Variants in ARHGAP42 observed in about 807,000 individuals in gnomAD.
ARHGAP42 encodes rho GTPase-activating protein 42.
In ARHGAP42, 63 loss-of-function variants were observed where a neutral mutation model predicts 125.0. The ratio of observed to expected loss-of-function variants is 0.50; its 90% CI spans 0.41 to 0.62. ARHGAP42 has a LOEUF of 0.62. ARHGAP42 is among the 20% of genes least tolerant of loss of function. ARHGAP42 has a pLI of 0.00. For missense variants in ARHGAP42, 766 were observed against 1,024.2 expected, an observed-to-expected ratio of 0.75 and a Z score of 3.44; for synonymous variants, 339 against 351.0, an observed-to-expected ratio of 0.97 and a Z score of 0.38.
chr11:100,793,483 ACT>A (rs1591185549), intron 2 of ARHGAP42, among the ~76,000 whole-genome samples: 1 of 152,210 alleles, frequency 6.6e-6, no homozygotes, highest in Non-Finnish European at 1.5e-5. Flanking sequence ...TGTTTTGGTA[ACT>A]CTGAATAAAA....
chr11:100,903,117 G>GCACACACACACACACACACACA lies in ARHGAP42; in HGVS notation c.385-10317_385-10296dup, dbSNP rs1555021069. 2.3e-3 allele frequency among the ~76,000 whole-genome samples: 300 copies of GCACACACACACACACACACACA among 132,018 alleles called. 4 individuals are homozygous for GCACACACACACACACACACACA. Among genetic ancestry groups the GCACACACACACACACACACACA allele is most frequent in the Non-Finnish European group, 3.4e-3 (213 of 62,766 alleles). The allele number at this position is 132,018 out of a possible 152,430, so 86.6% of individuals were successfully genotyped here. On this transcript the variant is annotated intron_variant, in intron 4 of 23. Transcript: ENST00000298815. ...TCCTCAATCTTGCTGTCCAAGATGC[G>GCACACACACACACACACACACA]CACACACACACACACACACACACAC...
intron 6 of ARHGAP42, among the ~76,000 whole-genome samples, chr11:100,927,079 T>A (rs1327892529): frequency 6.6e-6 from 1 of 152,218 alleles, no homozygotes; most frequent in African/African-American, 2.4e-5. Context: ...TTTAAATTTT[T>A]TCGCTGAAGA....
Position 100,990,659 on chromosome 11 carries a change from C to A in ARHGAP42, c.*1858C>A, listed in dbSNP as rs1221672627. 6.6e-6 allele frequency: 1 copy of A among 152,526 alleles called. No homozygotes were observed. Among genetic ancestry groups the A allele is most frequent in the African/African-American group, 2.4e-5 (1 of 41,414 alleles). The allele number at this position is 152,526 out of a possible 1,614,324, so 9.4% of individuals were successfully genotyped here. ...TCTTCTTGGTCGAGGTCCTTGGTGA[C>A]CTTAGTAGTAATAACAGCATTGCTG... On this transcript the variant is annotated 3_prime_UTR_variant, in exon 24 of 24. Coordinates refer to ENST00000298815, the MANE Select transcript of ARHGAP42 (RefSeq NM_152432.4).
chr11:100,929,218 C>A (rs910773891), intron 6 of ARHGAP42, among the ~76,000 whole-genome samples: 2 of 152,060 alleles, frequency 1.3e-5, no homozygotes, highest in African/African-American at 4.8e-5. Context: ...AACCTAGATC[C>A]CTCGCAGGCA....
intron 8 of ARHGAP42, among the ~76,000 whole-genome samples, chr11:100,938,871 G>C (rs1357291142): frequency 1.3e-5 from 2 of 152,068 alleles, no homozygotes; most frequent in East Asian, 3.9e-4. Context: ...GCTATCACTG[G>C]GTGGATAAGT....
chr11:100,782,786 G>C (rs1223127815), intron 2 of ARHGAP42, among the ~76,000 whole-genome samples: 1 of 152,084 alleles, frequency 6.6e-6, no homozygotes, highest in Non-Finnish European at 1.5e-5. Flanking sequence ...TTGATTTTTG[G>C]GACTCGGAAA....
At chr11:100,965,851 T>C in intron 17 of ARHGAP42, 75 bp downstream of exon 17, 1 of 1,279,180 alleles carries the variant, frequency 7.8e-7, no homozygotes, top group African/African-American at 1.5e-5. Context: ...TTAAAGTGTG[T>C]GATGATGTTA....
chr11:100,827,817 T>G (rs1864560223), intron 3 of ARHGAP42, among the ~76,000 whole-genome samples: 1 of 152,222 alleles, frequency 6.6e-6, no homozygotes, highest in Non-Finnish European at 1.5e-5. Flanking sequence ...GCAAGAACTT[T>G]CCTTCACTAT....
chr11:100,819,043 A>G (rs1490837285), intron 3 of ARHGAP42, among the ~76,000 whole-genome samples: 1 of 152,184 alleles, frequency 6.6e-6, no homozygotes, highest in Admixed American at 6.6e-5. Flanking sequence ...TTCAGCAAGC[A>G]TCAGAACTTT....
At chr11:100,805,862 C>T (rs73575594) in intron 3 of ARHGAP42, among the ~76,000 whole-genome samples, 2 of 152,002 alleles carry the variant, frequency 1.3e-5, no homozygotes, top group African/African-American at 4.8e-5. Flanking sequence ...ACCAGAGGTC[C>T]CTTTTGATGC....
At chr11:100,986,646 T>C (rs1158783174) in intron 22 of ARHGAP42, among the ~76,000 whole-genome samples, 4 of 152,164 alleles carry the variant, frequency 2.6e-5, no homozygotes, top group African/African-American at 9.6e-5. Flanking sequence ...AATGCTATTG[T>C]CTTGGACTCT....
intron 3 of ARHGAP42, among the ~76,000 whole-genome samples, chr11:100,831,842 A>T (rs1032946989): frequency 2.0e-5 from 3 of 152,234 alleles, no homozygotes; most frequent in African/African-American, 7.2e-5. Flanking sequence ...AATGCATTCT[A>T]TGCCTCCTAT....
chr11:100,926,688 C>T (rs774110378), intron 6 of ARHGAP42, among the ~76,000 whole-genome samples: 7 of 152,134 alleles, frequency 4.6e-5, no homozygotes, highest in African/African-American at 9.7e-5. Context: ...CCCAGGATCA[C>T]GGTGAGGATC....
chr11:100,899,602 T>A lies in ARHGAP42; in HGVS notation c.385-13850T>A, dbSNP rs561687712. ...ATCCCTTTACCATTATGTAATGGAC[T>A]TCTTTGTCTCTTTTGATCTTGTTGG... On this transcript the variant is annotated intron_variant, in intron 4 of 23. Coordinates refer to ENST00000298815, the MANE Select transcript of ARHGAP42 (RefSeq NM_152432.4). Among the ~76,000 whole-genome samples the A allele has an allele frequency of 6.6e-5, 10 of 152,308 alleles. No homozygotes were observed. The South Asian group carries it at 2.1e-3, about 32-fold the overall frequency.
intron 10 of ARHGAP42, among the ~76,000 whole-genome samples, chr11:100,945,941 G>A (rs530818757): frequency 1.3e-5 from 2 of 152,160 alleles, no homozygotes; most frequent in African/African-American, 4.8e-5. Context: ...TCTATTTGTG[G>A]AAGTCTTAAA....
intron 4 of ARHGAP42, among the ~76,000 whole-genome samples, chr11:100,907,443 G>A (rs1294272565): frequency 6.6e-6 from 1 of 152,168 alleles, no homozygotes; most frequent in Non-Finnish European, 1.5e-5. Context: ...CAAGAGATAT[G>A]GTGAATTATA....
chr11:100,811,325 G>T (rs1365762461), intron 3 of ARHGAP42, among the ~76,000 whole-genome samples: 2 of 152,170 alleles, frequency 1.3e-5, no homozygotes, highest in African/African-American at 4.8e-5. Context: ...AACAACTCTG[G>T]ATTTAATGAA....
chr11:100,807,299 G>C (rs1225945226), intron 3 of ARHGAP42, among the ~76,000 whole-genome samples: 2 of 151,868 alleles, frequency 1.3e-5, no homozygotes, highest in African/African-American at 4.8e-5. Context: ...AGGTTCAAGA[G>C]ATTCTCCTGC....
At chr11:100,729,811 CTT>C (rs1218377976) in intron 1 of ARHGAP42, among the ~76,000 whole-genome samples, 38 of 133,616 alleles carry the variant, frequency 2.8e-4, no homozygotes, top group Admixed American at 3.0e-4. Context: ...AAATTTCTTT[CTT>C]TTTTTTTTTT....
Sources: gnomAD v4.1 joint callset for allele counts (sites outside exome capture counted in the v4.1 genomes callset) on GRCh38, gnomAD v4.1.1 for gene constraint, MANE v1.5 for transcripts, NCBI Gene and HGNC (gene_info 2026-07-23, HGNC 2026-07-21) for gene names.